Variants in DIAPH1 observed in about 807,000 individuals in gnomAD.
DIAPH1 encodes the protein protein diaphanous homolog 1.
In DIAPH1, 46 loss-of-function variants were observed where a neutral mutation model predicts 140.7. The observed-to-expected ratio is 0.33, with a 90% CI of 0.26 to 0.42. The LOEUF (loss-of-function observed/expected upper bound fraction) is 0.42. Among genes scored for constraint, DIAPH1 ranks in the 10% least tolerant of loss-of-function variants. The pLI, the probability that DIAPH1 is intolerant of heterozygous loss-of-function variation, is 1.00. For synonymous variants in DIAPH1, 565 were observed against 551.6 expected (o/e 1.02, Z -0.34); for missense variants, 1,310 against 1,558.7 (o/e 0.84, Z 2.69).
chr5:141,517,783 G>A (rs563416150), intron 27 of DIAPH1, among the ~76,000 whole-genome samples: 4 of 152,242 alleles, frequency 2.6e-5, no homozygotes, highest in African/African-American at 7.2e-5. Context: ...GCTAAGAGAT[G>A]GTCAAGTTCC....
intron 18 of DIAPH1, among the ~76,000 whole-genome samples, chr5:141,540,651 G>GGA (rs1283481518): frequency 6.7e-6 from 1 of 149,798 alleles, no homozygotes; most frequent in Non-Finnish European, 1.5e-5. Context: ...CCTGACCTCA[G>GGA]GGGATCCACT....
At chr5:141,545,662 A>C (rs531535874) in intron 18 of DIAPH1, among the ~76,000 whole-genome samples, 1 of 152,318 alleles carries the variant, frequency 6.6e-6, no homozygotes, top group Admixed American at 6.5e-5. Flanking sequence ...GCAACAACAA[A>C]AAACAGTGTG....
intron 1 of DIAPH1, among the ~76,000 whole-genome samples, chr5:141,598,238 AATT>A (rs1398660116): frequency 6.6e-6 from 1 of 152,242 alleles, no homozygotes; most frequent in Non-Finnish European, 1.5e-5. Context: ...ATATGCAAAT[AATT>A]ATTAATGAAA....
intron 24 of DIAPH1, 88 bp downstream of exon 24, chr5:141,527,485 A>T: frequency 1.4e-6 from 2 of 1,435,964 alleles, no homozygotes; most frequent in Non-Finnish European, 1.9e-6. Flanking sequence ...AAAATTGCAT[A>T]CTGCCCTATC....
intron 1 of DIAPH1, among the ~76,000 whole-genome samples, chr5:141,595,100 T>C (rs1222748704): frequency 1.3e-5 from 2 of 150,302 alleles, no homozygotes; most frequent in Admixed American, 6.6e-5. Flanking sequence ...TACCCAACTA[T>C]ATGACATTCT....
At chr5:141,518,041 C>A (rs984804289) in intron 27 of DIAPH1, among the ~76,000 whole-genome samples, 1 of 152,156 alleles carries the variant, frequency 6.6e-6, no homozygotes, top group Non-Finnish European at 1.5e-5. Flanking sequence ...AGAAGCCTGA[C>A]ACGAAAGGCC....
chr5:141,573,498 C>A lies in DIAPH1; in HGVS notation c.2352G>T (p.Trp784Cys). The A allele has an allele frequency of 1.2e-6, 2 of 1,610,332 alleles. No homozygotes were observed. The highest frequency in any genetic ancestry group is 1.7e-6 in the Non-Finnish European group (2 of 1,178,302). ...AATAGACAGAAACTCTTACCTTGGA[C>A]CAGTTTGGCCTCCGGAGCTGCACCT... ...KPEVQLRRPN[W>C]SKLVAEDLSQ... Residue 784 changes from tryptophan to cysteine, a missense_variant, in exon 16 of 28, where the codon TGG becomes TGT. By Grantham distance (215) the Trp-to-Cys change is radical (BLOSUM62 -2). Coordinates refer to ENST00000389054, the MANE Select transcript of DIAPH1 (RefSeq NM_005219.5).
At chr5:141,523,378 C>G (rs534020956) in intron 27 of DIAPH1, among the ~76,000 whole-genome samples, 2 of 152,298 alleles carry the variant, frequency 1.3e-5, no homozygotes, top group South Asian at 4.1e-4. Context: ...TTGCCTATAC[C>G]TTCCTTTGAA....
intron 3 of DIAPH1, among the ~76,000 whole-genome samples, chr5:141,584,715 C>T (rs2099897269): frequency 6.6e-6 from 1 of 152,094 alleles, no homozygotes; most frequent in East Asian, 1.9e-4. Context: ...ACTGGAAACT[C>T]TATGATAAAG....
At chr5:141,524,984 T>C (rs1320358356) in intron 26 of DIAPH1, among the ~76,000 whole-genome samples, 2 of 152,028 alleles carry the variant, frequency 1.3e-5, no homozygotes, top group African/African-American at 4.8e-5. Context: ...GCAAGGTCCA[T>C]TACGCCACCT....
chr5:141,557,474 A>G (rs1230034779), intron 18 of DIAPH1, among the ~76,000 whole-genome samples: 4 of 152,208 alleles, frequency 2.6e-5, no homozygotes, highest in African/African-American at 9.6e-5. Context: ...CAAAAATAAC[A>G]TTTTTTAAAA....
chr5:141,618,765 GC>G (rs1222291255), intron 1 of DIAPH1, 32 bp downstream of exon 1: 1 of 1,479,466 alleles, frequency 6.8e-7, no homozygotes, highest in Middle Eastern at 1.8e-4. Context: ...CGGTTACGGG[GC>G]CAGGCAGGAG....
At chr5:141,571,674 A>C in intron 17 of DIAPH1, 1 of 651,286 alleles carries the variant, frequency 1.5e-6, no homozygotes, top group Non-Finnish European at 2.8e-6. Flanking sequence ...CTGTCACTTT[A>C]ATCTCATATC....
rs1371130724 is a variant in DIAPH1, at chr5:141,618,933, C to A, written c.-19G>T. 4 of 1,418,650 alleles carry A rather than the reference C, an allele frequency of 2.8e-6. No homozygotes were observed. In the African/African-American group the frequency reaches 4.5e-5, roughly 16 times the overall value. 87.9% of individuals were successfully genotyped at this position (1,418,650 alleles called of 1,614,324 possible). Reference sequence around the variant, plus strand: ...GCTCCATGTCCCGGTTCACGCTGGCCGGCGACCCCGCGCCTACGCCGCTCC... The same window carrying A: ...GCTCCATGTCCCGGTTCACGCTGGCAGGCGACCCCGCGCCTACGCCGCTCC... On this transcript the variant is annotated 5_prime_UTR_variant, in exon 1 of 28. Coordinates refer to ENST00000389054, the MANE Select transcript of DIAPH1 (RefSeq NM_005219.5).
intron 1 of DIAPH1, among the ~76,000 whole-genome samples, chr5:141,598,783 CTGAT>C (rs2099899709): frequency 6.6e-6 from 1 of 152,114 alleles, no homozygotes; most frequent in Non-Finnish European, 1.5e-5. Flanking sequence ...TTGAAACACC[CTGAT>C]TAATTATTAT....
intron 10 of DIAPH1, 45 bp downstream of exon 10, chr5:141,578,470 A>T: frequency 6.4e-7 from 1 of 1,562,334 alleles, no homozygotes; most frequent in Non-Finnish European, 8.8e-7. Context: ...GCTGTAGAGC[A>T]AGAAGGAACC....
At chr5:141,519,625 C>A (rs894249532) in intron 27 of DIAPH1, among the ~76,000 whole-genome samples, 3 of 152,178 alleles carry the variant, frequency 2.0e-5, no homozygotes, top group African/African-American at 7.2e-5. Flanking sequence ...TGATGTATTA[C>A]AAACTTCATA....
At position 141,526,468 on chromosome 5, in the gene DIAPH1, C is replaced by T. The variant is rs1184466736; in HGVS notation, c.3274-7G>A. 6.2e-7 allele frequency: 1 copy of T among 1,614,056 alleles called. No homozygotes were observed. The highest frequency in any genetic ancestry group is 1.7e-5 in the Admixed American group (1 of 60,012). On this transcript the variant is annotated splice_region_variant and splice_polypyrimidine_tract_variant and intron_variant, in intron 24 of 27. Transcript: ENST00000389054. ...GTGCATCCTTCACAAAGCTGTGCAG[C>T]CAAGGAGTAAAGGACCAAGACCAAG...
intron 27 of DIAPH1, among the ~76,000 whole-genome samples, chr5:141,520,820 C>T (rs964409199): frequency 2.0e-5 from 3 of 152,158 alleles, no homozygotes; most frequent in African/African-American, 4.8e-5. Context: ...TGAGGGGAAA[C>T]AGGCCTGGAC....
Sources: allele counts gnomAD v4.1 joint callset (sites outside exome capture counted in the v4.1 genomes callset), GRCh38; gene constraint gnomAD v4.1.1; transcripts MANE v1.5; gene names NCBI Gene and HGNC (gene_info 2026-07-23, HGNC 2026-07-21).